Variants in EWSR1 observed in about 807,000 individuals in gnomAD.
EWSR1 encodes EWS RNA binding protein 1.
EWSR1 carries 14 observed loss-of-function variants against 92.1 expected under a neutral mutation model. That is an observed-to-expected ratio of 0.15 (90% CI 0.10 to 0.24). The LOEUF is 0.24. Ranked by LOEUF, EWSR1 falls within the 10% of genes least tolerant of loss-of-function variation. The probability of loss-of-function intolerance (pLI) is 1.00; values close to 1 mark genes in which losing one functional copy is unlikely to be tolerated. For synonymous variants in EWSR1, 303 were observed against 292.9 expected, an observed-to-expected ratio of 1.03 and a Z score of -0.35; for missense variants, 637 against 870.9, an observed-to-expected ratio of 0.73 and a Z score of 3.38.
chr22:29,276,184 T>TG (rs2059110423), intron 4 of EWSR1: 1 of 230,786 alleles, frequency 4.3e-6, no homozygotes, highest in South Asian at 1.8e-4. Flanking sequence ...TGTCATGTAG[T>TG]GGGGTGTAAT....
chr22:29,284,040 G>T (rs1172235323), intron 6 of EWSR1, among the ~76,000 whole-genome samples: 8 of 151,124 alleles, frequency 5.3e-5, no homozygotes, highest in Non-Finnish European at 1.5e-5. Context: ...CTCCATGTTG[G>T]TCAGGCTGGT....
intron 4 of EWSR1, chr22:29,277,283 T>C (rs1171382195): frequency 8.8e-6 from 2 of 227,172 alleles, no homozygotes; most frequent in Non-Finnish European, 1.7e-5. Context: ...GTAAGAGGAA[T>C]GGAGCTGAGT....
At chr22:29,277,895 C>G in intron 4 of EWSR1, 135 bp from the exon 5 acceptor site, 1 of 720,398 alleles carries the variant, frequency 1.4e-6, no homozygotes, top group Non-Finnish European at 2.2e-6. Flanking sequence ...GCTACTCTTG[C>G]GGAAGGGGGA....
chr22:29,292,258 T>TAA (rs1159697606), intron 10 of EWSR1, 89 bp downstream of exon 10: 19 of 1,284,022 alleles, frequency 1.5e-5, no homozygotes, highest in Non-Finnish European at 1.8e-5. Context: ...AGCAGCCTTA[T>TAA]AGACCAGTGT....
chr22:29,286,391 A>T (rs1042463376), intron 6 of EWSR1, among the ~76,000 whole-genome samples: 1 of 151,732 alleles, frequency 6.6e-6, no homozygotes, highest in Admixed American at 6.6e-5. Flanking sequence ...TGGTGGTTAT[A>T]ATATTTCCCC....
chr22:29,275,571 T>A (rs1380423775), intron 4 of EWSR1: 1 of 227,304 alleles, frequency 4.4e-6, no homozygotes, highest in Non-Finnish European at 8.7e-6. Flanking sequence ...AAATTAAGCC[T>A]GATGAGCAAA....
At position 29,278,994 on chromosome 22, in the gene EWSR1, C is replaced by CA. The variant is rs566817278; in HGVS notation, c.413+792dup. The stretch of plus-strand genomic sequence containing the variant: ...TGGGCGACAGAGGAAGACTTCACCT[C>CA]AAAAAAAAAAAAAAGTGAAATGGTG... On this transcript the variant is annotated intron_variant, in intron 5 of 16. Transcript: ENST00000397938. Among the ~76,000 whole-genome samples, 776 of 124,668 alleles carry CA rather than the reference C, an allele frequency of 6.2e-3. 5 individuals carry two copies. The highest frequency in any genetic ancestry group is 0.01 in the South Asian group (42 of 4,002). The allele number at this position is 124,668 out of a possible 152,430, so 81.8% of individuals were successfully genotyped here.
At position 29,299,219 on chromosome 22, in the gene EWSR1, T is replaced by C; in HGVS notation, c.1581-15T>C. On this transcript the variant is annotated splice_polypyrimidine_tract_variant and intron_variant, in intron 14 of 16. Coordinates refer to ENST00000397938, the MANE Select transcript of EWSR1 (RefSeq NM_005243.4). ...GTTCAATTGGTGATTTCTGCTGTGATGTAATTGTATGCAGGGGTTGTGGAA... is the reference window on the plus strand; with the variant it reads ...GTTCAATTGGTGATTTCTGCTGTGACGTAATTGTATGCAGGGGTTGTGGAA... 6.2e-7 allele frequency: 1 copy of C among 1,614,056 alleles called. No homozygotes were observed. Among genetic ancestry groups the C allele is most frequent in the Non-Finnish European group, 8.5e-7 (1 of 1,179,944 alleles).
chr22:29,286,693 A>C (rs1282257205), intron 6 of EWSR1, among the ~76,000 whole-genome samples: 1 of 143,576 alleles, frequency 7.0e-6, no homozygotes, highest in Non-Finnish European at 1.5e-5. Context: ...TCTCAAAAAA[A>C]AAAAAAAAAA....
chr22:29,294,914 A>C (rs1052749884), intron 11 of EWSR1, among the ~76,000 whole-genome samples: 2 of 151,880 alleles, frequency 1.3e-5, no homozygotes, highest in Admixed American at 6.6e-5. Flanking sequence ...TCCATCTCAA[A>C]AAAAAAAAGG....
At chr22:29,282,267 A>C in intron 5 of EWSR1, 123 bp from the exon 6 acceptor site, 2 of 717,336 alleles carry the variant, frequency 2.8e-6, no homozygotes, top group Admixed American at 7.3e-5. Flanking sequence ...ATTTATTTCC[A>C]GGCTTAATCA....
chr22:29,268,592 G>C (rs1003536228), intron 1 of EWSR1, among the ~76,000 whole-genome samples: 3 of 152,100 alleles, frequency 2.0e-5, no homozygotes, highest in Admixed American at 6.5e-5. Flanking sequence ...GGGCGCGCGG[G>C]GCCCGCCTTG....
chr22:29,273,203 G>A (rs922210650), intron 3 of EWSR1, among the ~76,000 whole-genome samples: 2 of 152,176 alleles, frequency 1.3e-5, no homozygotes, highest in Non-Finnish European at 2.9e-5. Context: ...GACATACAGC[G>A]TTCTGGTTCA....
In EWSR1 at chr22:29,282,486, C is replaced by T; in HGVS notation, c.510C>T (p.Tyr170=). The T allele has an allele frequency of 1.3e-6, 2 of 1,571,796 alleles. No individual in the cohort carries two copies. The highest frequency in any genetic ancestry group is 1.7e-6 in the Non-Finnish European group (2 of 1,164,334). Reference sequence around the variant, plus strand: ...GCCTAGGATATGGACAGAGTAACTACAGTTATCCCCAGGTACCTGGGAGCT... The same window carrying T: ...GCCTAGGATATGGACAGAGTAACTATAGTTATCCCCAGGTACCTGGGAGCT... ...QPSLGYGQSN[Y]SYPQVPGSYP... is the part of the protein sequence containing the mutation. Residue 170 remains tyrosine (Y), a synonymous_variant, in exon 6 of 17, where the codon TAC becomes TAT. Coordinates refer to ENST00000397938, the MANE Select transcript of EWSR1 (RefSeq NM_005243.4).
At chr22:29,275,224 G>A (rs1325590924) in intron 4 of EWSR1, among the ~76,000 whole-genome samples, 1 of 152,164 alleles carries the variant, frequency 6.6e-6, no homozygotes, top group Non-Finnish European at 1.5e-5. Context: ...ATGTATTAAA[G>A]CCATTACATT....
chr22:29,298,825 G>A lies in EWSR1; in HGVS notation c.1510G>A (p.Gly504Ser), dbSNP rs1208341952. ...RGGFPPRGPR[G>S]SRGNPSGGGN... ...AGGCTTCCCTCCAAGAGGACCCCGG[G>A]GTTCCCGAGGGAACCCCTCTGGAGG... Residue 504 changes from glycine to serine, a missense_variant, in exon 14 of 17, where the codon GGT becomes AGT. Gly to Ser is a moderately conservative substitution (Grantham distance 56). This residue lies in a region of EWSR1 where 363 missense variants were observed against 447.8 expected (regional missense o/e 0.81). Coordinates refer to ENST00000397938, the MANE Select transcript of EWSR1 (RefSeq NM_005243.4). 1 of 1,598,080 alleles carries A rather than the reference G, an allele frequency of 6.3e-7. No homozygotes were observed. The highest frequency in any genetic ancestry group is 1.1e-5 in the South Asian group (1 of 88,622).
chr22:29,268,553 C>T (rs2058329203), intron 1 of EWSR1, among the ~76,000 whole-genome samples: 1 of 152,116 alleles, frequency 6.6e-6, no homozygotes, highest in African/African-American at 2.4e-5. Flanking sequence ...TTCCGGCGCC[C>T]GTGGCGCGCG....
chr22:29,271,272 C>T (rs754308217), intron 1 of EWSR1, among the ~76,000 whole-genome samples: 2 of 152,014 alleles, frequency 1.3e-5, no homozygotes, highest in African/African-American at 2.4e-5. Flanking sequence ...ACTTTAACTG[C>T]CTTTAAAAAA....
At chr22:29,292,394 T>G (rs2060503487) in intron 10 of EWSR1, 94 bp from the exon 11 acceptor site, 3 of 984,986 alleles carry the variant, frequency 3.0e-6, no homozygotes, top group Non-Finnish European at 4.7e-6. Flanking sequence ...TTTCTTAGAT[T>G]TATGATGAAT....
Sources: allele counts gnomAD v4.1 joint callset (sites outside exome capture counted in the v4.1 genomes callset), GRCh38; gene constraint gnomAD v4.1.1; regional missense constraint gnomAD v4.1.1; transcripts MANE v1.5; gene names NCBI Gene and HGNC (gene_info 2026-07-23, HGNC 2026-07-21).